The following TCF12 variants were observed in gnomAD, a reference collection of about 807,000 sequenced individuals.
TCF12 encodes the protein transcription factor 12, also known as DNA-binding protein HTF4.
In TCF12, 45 loss-of-function variants were observed where a neutral mutation model predicts 86.0. The observed-to-expected ratio is 0.52, with a 90% CI of 0.41 to 0.67. TCF12 has a LOEUF of 0.67. Among genes scored for constraint, TCF12 ranks in the 30% least tolerant of loss-of-function variants. The pLI is 0.00. For missense variants in TCF12, 881 were observed against 859.9 expected, an observed-to-expected ratio of 1.02 and a Z score of -0.31; for synonymous variants, 330 against 299.6, an observed-to-expected ratio of 1.10 and a Z score of -1.05.
At chr15:57,247,949 G>A (rs1393276950) in intron 13 of TCF12, 2 of 750,250 alleles carry the variant, frequency 2.7e-6, no homozygotes, top group South Asian at 1.4e-5. Context: ...TTTTGCAAAA[G>A]CTCTGGTTCC....
At chr15:57,070,351 A>G (rs2069264020) in intron 4 of TCF12, among the ~76,000 whole-genome samples, 1 of 152,232 alleles carries the variant, frequency 6.6e-6, no homozygotes, top group South Asian at 2.1e-4. Flanking sequence ...TGTTAAAAAC[A>G]AAAACGGACC....
intron 8 of TCF12, among the ~76,000 whole-genome samples, chr15:57,203,699 G>T (rs2057669289): frequency 6.6e-6 from 1 of 152,162 alleles, no homozygotes; most frequent in Non-Finnish European, 1.5e-5. Context: ...TCCCACAAAA[G>T]CTGTTACTGT....
intron 3 of TCF12, among the ~76,000 whole-genome samples, chr15:56,932,758 T>C (rs1204304054): frequency 2.0e-5 from 3 of 152,072 alleles, no homozygotes; most frequent in African/African-American, 7.2e-5. Flanking sequence ...AGAGACAGGG[T>C]TTCACTGTGT....
At chr15:57,204,205 G>A (rs1166716941) in intron 8 of TCF12, among the ~76,000 whole-genome samples, 4 of 152,164 alleles carry the variant, frequency 2.6e-5, no homozygotes, top group Non-Finnish European at 2.9e-5. Flanking sequence ...GGAGGCCAAG[G>A]TGGGAGTATC....
chr15:56,998,457 C>A (rs1444527666), intron 3 of TCF12, among the ~76,000 whole-genome samples: 1,898 of 109,908 alleles, frequency 0.017, no homozygotes, highest in African/African-American at 0.02. Flanking sequence ...AACTCTGTCT[C>A]AAAAAAAAAA....
intron 5 of TCF12, among the ~76,000 whole-genome samples, chr15:57,150,022 C>T (rs1299498999): frequency 1.3e-5 from 2 of 152,080 alleles, no homozygotes; most frequent in Non-Finnish European, 2.9e-5. Context: ...AGCAGGAAAA[C>T]AAGGTGAGTC....
At chr15:56,952,882 A>G (rs540191498) in intron 3 of TCF12, among the ~76,000 whole-genome samples, 1 of 152,094 alleles carries the variant, frequency 6.6e-6, no homozygotes, top group South Asian at 2.1e-4. Context: ...CTTTCCAGAA[A>G]CTCCAGTACA....
At chr15:57,059,663 C>G (rs1172112000) in intron 3 of TCF12, among the ~76,000 whole-genome samples, 1 of 119,530 alleles carries the variant, frequency 8.4e-6, no homozygotes, top group African/African-American at 3.2e-5. Flanking sequence ...CTCACCAATT[C>G]TTTAATGATG....
intron 3 of TCF12, among the ~76,000 whole-genome samples, chr15:57,007,774 CTT>C (rs1169423592): frequency 5.7e-5 from 3 of 52,784 alleles, no homozygotes; most frequent in East Asian, 1.2e-3. Context: ...TTCTTTCTTT[CTT>C]TCTTTCTTTC....
At chr15:57,142,086 C>T (rs1408915586) in intron 5 of TCF12, among the ~76,000 whole-genome samples, 2 of 152,152 alleles carry the variant, frequency 1.3e-5, no homozygotes, top group Non-Finnish European at 1.5e-5. Context: ...ATAAGAGCTT[C>T]TGTGCAGTAG....
At chr15:57,027,058 C>T (rs2065865856) in intron 3 of TCF12, among the ~76,000 whole-genome samples, 1 of 151,694 alleles carries the variant, frequency 6.6e-6, no homozygotes. Context: ...AATGAATCTG[C>T]AGATACAGAA....
rs572605273 is a variant in TCF12 at position 57,075,501 on chromosome 15, C to G, written c.222+11678C>G. Among the ~76,000 whole-genome samples, 3 of 152,058 alleles carry G rather than the reference C, an allele frequency of 2.0e-5. No homozygotes were observed. The South Asian group carries it at 6.2e-4, about 32-fold the overall frequency. On this transcript the variant is annotated intron_variant, in intron 4 of 20. Coordinates refer to ENST00000333725, the MANE Select transcript of TCF12 (RefSeq NM_207037.2). Reference sequence around the variant, plus strand: ...CAGTTTATATTTCATAAAGGGAGTCCTCATTCTTATGGGAAAAACAGAGAT... The same window carrying G: ...CAGTTTATATTTCATAAAGGGAGTCGTCATTCTTATGGGAAAAACAGAGAT...
At chr15:57,278,314 C>G (rs1279400928) in intron 19 of TCF12, among the ~76,000 whole-genome samples, 1 of 152,046 alleles carries the variant, frequency 6.6e-6, no homozygotes, top group South Asian at 2.1e-4. Context: ...AAATTGAATA[C>G]TATTAGCTGC....
intron 4 of TCF12, among the ~76,000 whole-genome samples, chr15:57,067,711 G>T (rs1187351199): frequency 6.6e-6 from 1 of 152,068 alleles, no homozygotes; most frequent in African/African-American, 2.4e-5. Flanking sequence ...TTAGAGTCCT[G>T]GTTTCTGCAC....
chr15:57,174,325 A>G (rs1459260942), intron 6 of TCF12, among the ~76,000 whole-genome samples: 1 of 152,220 alleles, frequency 6.6e-6, no homozygotes, highest in Admixed American at 6.5e-5. Flanking sequence ...CAATGTGATC[A>G]TTTCCATAGA....
chr15:56,921,341 A>C (rs1237351391), intron 3 of TCF12, among the ~76,000 whole-genome samples: 4 of 152,046 alleles, frequency 2.6e-5, no homozygotes, highest in Non-Finnish European at 2.9e-5. Flanking sequence ...TTTCAAAATG[A>C]ATAGAAACTT....
chr15:57,125,794 G>A (rs1057324763), intron 5 of TCF12, among the ~76,000 whole-genome samples: 3 of 152,122 alleles, frequency 2.0e-5, no homozygotes, highest in Non-Finnish European at 2.9e-5. Flanking sequence ...ATACACTCTT[G>A]TAAATAGAAG....
chr15:57,199,702 T>C (rs2151753149), intron 8 of TCF12, among the ~76,000 whole-genome samples: 2 of 152,332 alleles, frequency 1.3e-5, no homozygotes, highest in South Asian at 4.1e-4. Context: ...CTGATGAAAC[T>C]TGATTTCTTT....
chr15:57,258,780 CTG>C (rs1219655814), intron 16 of TCF12, among the ~76,000 whole-genome samples: 1 of 152,128 alleles, frequency 6.6e-6, no homozygotes, highest in African/African-American at 2.4e-5. Context: ...TAAATCATGT[CTG>C]TTTTCTAAAT....
Sources: gnomAD v4.1 joint callset for allele counts (sites outside exome capture counted in the v4.1 genomes callset) on GRCh38, gnomAD v4.1.1 for gene constraint, MANE v1.5 for transcripts, NCBI Gene and HGNC (gene_info 2026-07-23, HGNC 2026-07-21) for gene names.